The following ZEB2 variants were observed in gnomAD, a reference collection of about 807,000 sequenced individuals.
ZEB2 encodes zinc finger E-box-binding homeobox 2.
A neutral mutation model predicts 99.9 loss-of-function variants in ZEB2; 6 were observed. That is an observed-to-expected ratio of 0.06 (90% CI 0.03 to 0.12). ZEB2 has a LOEUF of 0.12. Ranked by LOEUF, ZEB2 falls within the 10% of genes least tolerant of loss-of-function variation. ZEB2 has a pLI of 1.00. For synonymous variants in ZEB2, 517 were observed against 542.5 expected (o/e 0.95, Z 0.65); for missense variants, 969 against 1,502.8 (o/e 0.64, Z 5.87).
chr2:144,460,530 A>G (rs1361606968), intron 2 of ZEB2, among the ~76,000 whole-genome samples: 1 of 152,138 alleles, frequency 6.6e-6, no homozygotes, highest in Admixed American at 6.6e-5. Flanking sequence ...AAGGATGAAT[A>G]TTCACATTGC....
At chr2:144,488,304 T>C (rs1303513170) in intron 2 of ZEB2, among the ~76,000 whole-genome samples, 1 of 152,200 alleles carries the variant, frequency 6.6e-6, no homozygotes, top group Non-Finnish European at 1.5e-5. Context: ...GCAAGTGAGC[T>C]AAGGAAGTAA....
intron 4 of ZEB2, among the ~76,000 whole-genome samples, chr2:144,411,467 T>C (rs992284099): frequency 1.3e-5 from 2 of 152,164 alleles, no homozygotes; most frequent in Non-Finnish European, 2.9e-5. Context: ...TGTAAGCTTT[T>C]CATCATTAAA....
intron 2 of ZEB2, among the ~76,000 whole-genome samples, chr2:144,469,157 C>T (rs1307498487): frequency 6.6e-6 from 1 of 152,096 alleles, no homozygotes; most frequent in Non-Finnish European, 1.5e-5. Flanking sequence ...AATAGCTTCC[C>T]AAACAAATCA....
At chr2:144,434,899 A>G (rs71428031) in intron 2 of ZEB2, among the ~76,000 whole-genome samples, 16,988 of 152,196 alleles carry the variant, frequency 0.11, 1,164 homozygotes, top group African/African-American at 0.19. Context: ...CCTATCATCC[A>G]AGGAAGCTTG....
chr2:144,482,766 G>A (rs1704532495), intron 2 of ZEB2, among the ~76,000 whole-genome samples: 1 of 147,758 alleles, frequency 6.8e-6, no homozygotes, highest in Admixed American at 6.7e-5. Context: ...TTTTTTCAAC[G>A]GTTCTATCTT....
chr2:144,498,903 T>C (rs1384560565), intron 2 of ZEB2, among the ~76,000 whole-genome samples: 1 of 152,152 alleles, frequency 6.6e-6, no homozygotes, highest in Non-Finnish European at 1.5e-5. Flanking sequence ...AGACCCTGTC[T>C]CTAAAAATGA....
intron 2 of ZEB2, among the ~76,000 whole-genome samples, chr2:144,453,786 A>T (rs1704084885): frequency 6.6e-6 from 1 of 152,186 alleles, no homozygotes; most frequent in African/African-American, 2.4e-5. Flanking sequence ...AAAACAAAAG[A>T]AGTTTAGGGA....
intron 2 of ZEB2, chr2:144,482,217 T>C (rs1470025234): frequency 6.6e-6 from 1 of 152,206 alleles, no homozygotes; most frequent in Non-Finnish European, 1.5e-5. Context: ...TTCTTTTTAT[T>C]TGCAGGTTCC....
intron 3 of ZEB2, chr2:144,428,516 T>C (rs1040966081): frequency 5.3e-5 from 8 of 152,238 alleles, no homozygotes; most frequent in African/African-American, 1.9e-4. Context: ...TAACGATAAA[T>C]GTTTATGTGT....
At position 144,399,934 on chromosome 2, in the gene ZEB2, C is replaced by T. The variant is rs1703287844; in HGVS notation, c.1253G>A (p.Gly418Asp). 3 of 1,614,204 alleles carry T rather than the reference C, an allele frequency of 1.9e-6. No individual in the cohort carries two copies. Among genetic ancestry groups the T allele is most frequent in the Non-Finnish European group, 2.5e-6 (3 of 1,180,032 alleles). The change falls in exon 8 of 10, where the codon GGT (glycine) becomes GAT (aspartate). Residue 418 changes from glycine (G) to aspartate (D), a missense_variant. Around this residue, in one of 8 missense-constraint regions of ZEB2, gnomAD observed 227 missense variants for 278.2 expected, o/e 0.82. Coordinates refer to ENST00000627532, the MANE Select transcript of ZEB2 (RefSeq NM_014795.4). This position sits in a 1 kb window ranked among gnomAD's most constrained non-coding sequence, Gnocchi z 5.6. ...GFSGTSPFMN[G>D]GLGATSPLGV... ...TAAAGGGCTGGTGGCTCCAAGCCCA[C>T]CATTCATAAAGGGACTAGTGCCACT... is the stretch of plus-strand genomic sequence containing the variant.
intron 2 of ZEB2, chr2:144,450,367 A>T (rs142273895): frequency 1.2e-4 from 18 of 152,374 alleles, no homozygotes; most frequent in African/African-American, 4.3e-4. Context: ...CAAAAGGTAC[A>T]TACTGAATGT....
chr2:144,414,679 G>A (rs1236040106), intron 4 of ZEB2, among the ~76,000 whole-genome samples: 2 of 152,122 alleles, frequency 1.3e-5, no homozygotes, highest in Non-Finnish European at 2.9e-5. Flanking sequence ...AGTAATTTCT[G>A]GAAGAGCTGT....
At chr2:144,515,016 TCC>T (rs909196844) in intron 2 of ZEB2, among the ~76,000 whole-genome samples, 1 of 152,146 alleles carries the variant, frequency 6.6e-6, no homozygotes, top group African/African-American at 2.4e-5. Flanking sequence ...GAAGCCAGGA[TCC>T]CTCTATTTCC....
intron 2 of ZEB2, chr2:144,514,381 T>C (rs1705095715): frequency 6.6e-6 from 1 of 152,304 alleles, no homozygotes; most frequent in Non-Finnish European, 1.5e-5. Flanking sequence ...CCATCTTTTT[T>C]TCCCTTCCAG....
In ZEB2 at chr2:144,389,408, A is replaced by C. The variant is rs1327738532; in HGVS notation, c.*43T>G. On this transcript the variant is annotated 3_prime_UTR_variant, in exon 10 of 10. Coordinates refer to ENST00000627532, the MANE Select transcript of ZEB2 (RefSeq NM_014795.4). The surrounding 1 kb of genome is among the most constrained non-coding windows in gnomAD (Gnocchi z 6.8). ...GCAGTGTTTTCAAGCAGGTAACAAT[A>C]CTACTGGAAAAAAAAATAGGAAGCT... The C allele has an allele frequency of 7.5e-6, 12 of 1,604,472 alleles. No individual in the cohort carries two copies. Among genetic ancestry groups the C allele is most frequent in the Middle Eastern group, 1.6e-4 (1 of 6,062 alleles).
Position 144,459,253 on chromosome 2 carries a change from C to A in ZEB2, c.74-29227G>T, listed in dbSNP as rs190694797. 3.9e-5 allele frequency among the ~76,000 whole-genome samples: 6 copies of A among 152,116 alleles called. No individual in the cohort carries two copies. In the East Asian group the frequency reaches 9.7e-4, roughly 25 times the overall value. On this transcript the variant is annotated intron_variant, in intron 2 of 9. Transcript: ENST00000627532. ...TCTTGGGTTATATAAATGTGTATAT[C>A]TTTTGATATACAACTAAGGAGAGTA...
chr2:144,512,773 T>C (rs1705062115), intron 2 of ZEB2: 1 of 1,287,048 alleles, frequency 7.8e-7, no homozygotes, highest in Admixed American at 2.3e-5. Flanking sequence ...TAGATCAGCC[T>C]AGATACATAG....
At chr2:144,513,872 A>G in intron 2 of ZEB2, 3 of 1,529,092 alleles carry the variant, frequency 2.0e-6, no homozygotes, top group Non-Finnish European at 2.6e-6. Context: ...CTCCAGCGTC[A>G]GTGAAAGTGT....
chr2:144,458,092 G>C lies in ZEB2; in HGVS notation c.74-28066C>G, dbSNP rs77050854. On this transcript the variant is annotated intron_variant, in intron 2 of 9. Coordinates refer to ENST00000627532, the MANE Select transcript of ZEB2 (RefSeq NM_014795.4). Reference sequence around the variant, plus strand: ...TGGGCCTCAATTGCCTATATTTCTGGGCTGTTTTCATTGCTACTTTAATAT... The same window carrying C: ...TGGGCCTCAATTGCCTATATTTCTGCGCTGTTTTCATTGCTACTTTAATAT... Among the ~76,000 whole-genome samples the C allele has an allele frequency of 1.3e-4, 19 of 151,584 alleles. No homozygotes were observed. The East Asian group carries it at 3.7e-3, about 29-fold the overall frequency.
Sources: gnomAD v4.1 joint callset for allele counts (sites outside exome capture counted in the v4.1 genomes callset) on GRCh38, gnomAD v4.1.1 for gene constraint, gnomAD v4.1.1 regional missense constraint, Gnocchi (gnomAD v3.1) non-coding constraint, MANE v1.5 for transcripts, NCBI Gene and HGNC (gene_info 2026-07-23, HGNC 2026-07-21) for gene names.